Variants in GPHN observed in about 807,000 individuals in gnomAD.
The protein encoded by GPHN is gephyrin.
Under a neutral mutation model 95.5 loss-of-function variants are expected in GPHN, and 17 were observed. The observed-to-expected ratio is 0.18, with a 90% CI of 0.12 to 0.27. GPHN has a LOEUF of 0.27. Among genes scored for constraint, GPHN ranks in the 10% least tolerant of loss-of-function variants. The pLI, the probability that GPHN is intolerant of heterozygous loss-of-function variation, is 1.00. For missense variants in GPHN, 660 were observed against 978.1 expected (o/e 0.67, Z 4.34); for synonymous variants, 320 against 322.5 (o/e 0.99, Z 0.08).
chr14:67,105,344 G>A (rs2077977712), intron 13 of GPHN, among the ~76,000 whole-genome samples: 1 of 151,972 alleles, frequency 6.6e-6, no homozygotes, highest in Non-Finnish European at 1.5e-5. Context: ...ATATCTGTTA[G>A]GTCCATTTGA....
chr14:66,837,037 G>A (rs1336495372), intron 4 of GPHN, among the ~76,000 whole-genome samples: 4 of 149,334 alleles, frequency 2.7e-5, no homozygotes, highest in Admixed American at 6.7e-5. Context: ...TCAGTGTGGC[G>A]ATTCCTCAGG....
At chr14:66,876,237 C>T (rs764219483) in intron 4 of GPHN, among the ~76,000 whole-genome samples, 24 of 152,138 alleles carry the variant, frequency 1.6e-4, no homozygotes, top group Non-Finnish European at 3.4e-4. Context: ...ATCTCTGGGA[C>T]ACAGCTAAAG....
chr14:66,824,560 TC>T lies in GPHN; in HGVS notation c.290del (p.Pro97GlnfsTer7). ...GTGFAPRDVT[P>X]EATKEVIERE... ...CAGGATTTGCACCACGAGATGTCAC[TC>T]CAGAGGTGAGATAGTACATGCCTTT... On this transcript the variant is annotated frameshift_variant, in exon 4 of 23. Coordinates refer to ENST00000478722, the MANE Select transcript of GPHN (RefSeq NM_020806.5). LOFTEE classifies it high-confidence loss of function. 1 of 1,493,644 alleles carries T rather than the reference TC, an allele frequency of 6.7e-7. No homozygotes were observed. The highest frequency in any genetic ancestry group is 9.3e-7 in the Non-Finnish European group (1 of 1,069,978). The allele number at this position is 1,493,644 out of a possible 1,614,324, so 92.5% of individuals were successfully genotyped here. A position where few individuals can be genotyped will look rare whatever the true frequency, so the allele number is the denominator to read the frequency against.
chr14:67,712,199 C>T, the GPHN span, among the ~76,000 whole-genome samples: 41 of 152,160 alleles, frequency 2.7e-4, no homozygotes, highest in Non-Finnish European at 5.3e-4. Flanking sequence ...GGATTACAGG[C>T]GTGAACCACC....
intron 11 of GPHN, among the ~76,000 whole-genome samples, chr14:67,073,229 G>T (rs933412064): frequency 2.6e-5 from 4 of 151,962 alleles, no homozygotes; most frequent in African/African-American, 4.8e-5. Flanking sequence ...CATTAAAGAA[G>T]AATTTAAATT....
At chr14:66,522,376 A>G (rs761926012) in intron 1 of GPHN, among the ~76,000 whole-genome samples, 1 of 152,142 alleles carries the variant, frequency 6.6e-6, no homozygotes, top group Non-Finnish European at 1.5e-5. Flanking sequence ...GGGAGATGTT[A>G]TAGTATGTAT....
chr14:67,130,262 C>T (rs7155852), intron 17 of GPHN, among the ~76,000 whole-genome samples: 1,965 of 152,098 alleles, frequency 0.013, 35 homozygotes, highest in African/African-American at 0.044. Flanking sequence ...GCCCCTTACC[C>T]CTCTCCCTCC....
chr14:66,996,553 C>T (rs1356548323), intron 9 of GPHN, among the ~76,000 whole-genome samples: 1 of 151,988 alleles, frequency 6.6e-6, no homozygotes, highest in African/African-American at 2.4e-5. Flanking sequence ...CTCAAATTGG[C>T]TAAAGGCAAG....
At chr14:67,144,276 T>TACATACATAC (rs1567401052) in intron 18 of GPHN, among the ~76,000 whole-genome samples, 1 of 109,162 alleles carries the variant, frequency 9.2e-6, no homozygotes, top group African/African-American at 3.8e-5. Flanking sequence ...TATATATATA[T>TACATACATAC]ATATATATAT....
At chr14:67,376,327 C>A in the GPHN span, 1 of 1,086,494 alleles carries the variant, frequency 9.2e-7, no homozygotes, top group Non-Finnish European at 1.3e-6. Context: ...CTATGGAGAT[C>A]TTTTATTGTT....
chr14:67,521,850 G>T, the GPHN span, among the ~76,000 whole-genome samples: 1 of 152,156 alleles, frequency 6.6e-6, no homozygotes, highest in East Asian at 1.9e-4. Context: ...AACTGTGATC[G>T]TAAGTCTTTT....
the GPHN span, among the ~76,000 whole-genome samples, chr14:67,709,547 T>C: frequency 6.6e-6 from 1 of 152,350 alleles, no homozygotes; most frequent in South Asian, 2.1e-4. Context: ...GATTAACATG[T>C]AGAGAAACAG....
chr14:67,401,155 AT>A, the GPHN span, among the ~76,000 whole-genome samples: 1 of 151,992 alleles, frequency 6.6e-6, no homozygotes, highest in Non-Finnish European at 1.5e-5. Flanking sequence ...GGTCATTAGG[AT>A]GGGCCTTAAT....
intron 3 of GPHN, among the ~76,000 whole-genome samples, chr14:66,791,538 A>C (rs1032563250): frequency 1.7e-4 from 26 of 152,356 alleles, no homozygotes; most frequent in Non-Finnish European, 3.4e-4. Context: ...AGGGGAGGCA[A>C]TTCCTGGAAC....
At chr14:67,609,543 A>ATG in the GPHN span, among the ~76,000 whole-genome samples, 4 of 152,084 alleles carry the variant, frequency 2.6e-5, no homozygotes, top group East Asian at 5.8e-4. Flanking sequence ...CTTCCTGAAG[A>ATG]TGTGTGTGTG....
chr14:67,726,139 G>A, the GPHN span: 1 of 1,608,980 alleles, frequency 6.2e-7, no homozygotes, highest in South Asian at 1.1e-5. Context: ...AAACCCACCT[G>A]GGAGTCAACC....
At chr14:67,652,382 T>C in the GPHN span, 2 of 176,446 alleles carry the variant, frequency 1.1e-5, no homozygotes, top group Admixed American at 5.4e-5. Flanking sequence ...TCCCATTTCT[T>C]GGGAAATGAA....
At chr14:67,549,632 T>C in the GPHN span, among the ~76,000 whole-genome samples, 1 of 152,158 alleles carries the variant, frequency 6.6e-6, no homozygotes, top group African/African-American at 2.4e-5. Flanking sequence ...CACCATAGTA[T>C]TTCTCAGGAA....
chr14:67,325,065 T>C, the GPHN span, among the ~76,000 whole-genome samples: 6 of 151,918 alleles, frequency 3.9e-5, no homozygotes, highest in East Asian at 3.9e-4. Context: ...CCATCATGCC[T>C]GGCTAATTTT....
Sources: gnomAD v4.1 joint callset for allele counts (sites outside exome capture counted in the v4.1 genomes callset) on GRCh38, gnomAD v4.1.1 for gene constraint, MANE v1.5 for transcripts, NCBI Gene and HGNC (gene_info 2026-07-23, HGNC 2026-07-21) for gene names.